The following NR3C2 variants were observed in gnomAD, a reference collection of about 807,000 sequenced individuals.
The protein encoded by NR3C2 is nuclear receptor subfamily 3 group C member 2, also known as mineralocorticoid receptor.
In NR3C2, 15 loss-of-function variants were observed where a neutral mutation model predicts 86.4. The ratio of observed to expected loss-of-function variants is 0.17; its 90% CI spans 0.12 to 0.27. The LOEUF (loss-of-function observed/expected upper bound fraction) is 0.27, where lower values mean the gene tolerates loss of function less well. Ranked by LOEUF, NR3C2 falls within the 10% of genes least tolerant of loss-of-function variation. The pLI is 1.00. For synonymous variants in NR3C2, 458 were observed against 450.5 expected, an observed-to-expected ratio of 1.02 and a Z score of -0.21; for missense variants, 960 against 1,195.6, an observed-to-expected ratio of 0.80 and a Z score of 2.91.
chr4:148,385,450 T>C (rs544328721), intron 2 of NR3C2, among the ~76,000 whole-genome samples: 1 of 152,360 alleles, frequency 6.6e-6, no homozygotes, highest in Non-Finnish European at 1.5e-5. Flanking sequence ...AATTATTCAT[T>C]GTGACTCCTC....
chr4:148,250,154 T>C (rs1166259970), intron 3 of NR3C2, among the ~76,000 whole-genome samples: 1 of 152,098 alleles, frequency 6.6e-6, no homozygotes, highest in Non-Finnish European at 1.5e-5. Context: ...ATTATCAGCT[T>C]CTCTTTTTCC....
chr4:148,162,915 A>T (rs1188840747), intron 4 of NR3C2, among the ~76,000 whole-genome samples: 1 of 152,220 alleles, frequency 6.6e-6, no homozygotes, highest in African/African-American at 2.4e-5. Flanking sequence ...TTTTACCCTC[A>T]GGACAAAACA....
chr4:148,323,422 T>G (rs528195393), intron 2 of NR3C2, among the ~76,000 whole-genome samples: 1 of 145,832 alleles, frequency 6.9e-6, no homozygotes, highest in African/African-American at 2.7e-5. Context: ...TCGAGCTTCC[T>G]GGCTGCTTTG....
chr4:148,402,001 G>T (rs181120307), intron 2 of NR3C2, among the ~76,000 whole-genome samples: 7 of 152,210 alleles, frequency 4.6e-5, no homozygotes, highest in Admixed American at 4.6e-4. Context: ...ATGGTATGGG[G>T]TAACTGTAAA....
chr4:148,210,306 T>A (rs899464424), intron 3 of NR3C2, among the ~76,000 whole-genome samples: 1 of 152,172 alleles, frequency 6.6e-6, no homozygotes, highest in African/African-American at 2.4e-5. Flanking sequence ...TTCTCCTGCC[T>A]CAGCCTCCCA....
At chr4:148,301,073 G>C (rs991064011) in intron 2 of NR3C2, among the ~76,000 whole-genome samples, 2 of 152,050 alleles carry the variant, frequency 1.3e-5, no homozygotes, top group African/African-American at 4.8e-5. Context: ...TTAGGCCCTA[G>C]AAACTACATG....
intron 3 of NR3C2, among the ~76,000 whole-genome samples, chr4:148,233,036 C>T (rs1363037599): frequency 1.3e-5 from 2 of 152,178 alleles, no homozygotes; most frequent in Non-Finnish European, 2.9e-5. Context: ...ATCCAGACCA[C>T]TAAAACTTTC....
In NR3C2 at chr4:148,233,045, T is replaced by C. The variant is rs568271620; in HGVS notation, c.1897+26933A>G. On this transcript the variant is annotated intron_variant, in intron 3 of 8. Coordinates refer to ENST00000358102, the MANE Select transcript of NR3C2 (RefSeq NM_000901.5). ...TCTTCTATCCAGACCACTAAAACTT[T>C]CTCCATATCAGCATTAAGACTGATA... Among the ~76,000 whole-genome samples the C allele has an allele frequency of 2.6e-5, 4 of 152,310 alleles. No homozygotes were observed. In the East Asian group the frequency reaches 7.7e-4, roughly 29 times the overall value.
intron 2 of NR3C2, among the ~76,000 whole-genome samples, chr4:148,294,783 C>T (rs1196073342): frequency 6.6e-6 from 1 of 151,644 alleles, no homozygotes; most frequent in African/African-American, 2.4e-5. Flanking sequence ...TCAAGACCAG[C>T]TTGGGCAACA....
chr4:148,256,131 A>G (rs951658353), intron 3 of NR3C2, among the ~76,000 whole-genome samples: 21 of 152,330 alleles, frequency 1.4e-4, no homozygotes, highest in African/African-American at 5.1e-4. Context: ...GAGGCTTGTT[A>G]CAGGAGTAAA....
chr4:148,405,006 T>C (rs1239609004), intron 2 of NR3C2, among the ~76,000 whole-genome samples: 1 of 152,222 alleles, frequency 6.6e-6, no homozygotes, highest in African/African-American at 2.4e-5. Context: ...TATACAAAGT[T>C]ACTGAACTAT....
chr4:148,380,981 C>T (rs1384125904), intron 2 of NR3C2, among the ~76,000 whole-genome samples: 5 of 152,040 alleles, frequency 3.3e-5, no homozygotes, highest in Admixed American at 2.6e-4. Context: ...AACATTAGAA[C>T]TTTGGGAAGC....
At chr4:148,323,202 G>C (rs1379053325) in intron 2 of NR3C2, among the ~76,000 whole-genome samples, 1 of 119,658 alleles carries the variant, frequency 8.4e-6, no homozygotes, top group Non-Finnish European at 1.8e-5. Context: ...GGGGTCAGGG[G>C]TCAGGGACCC....
intron 2 of NR3C2, among the ~76,000 whole-genome samples, chr4:148,349,729 A>G (rs1321440079): frequency 6.6e-6 from 1 of 152,172 alleles, no homozygotes; most frequent in Non-Finnish European, 1.5e-5. Flanking sequence ...TATGACAAAC[A>G]GTATCACAGT....
At position 148,425,194 on chromosome 4, in the gene NR3C2, C is replaced by T. The variant is rs1227122249; in HGVS notation, c.1757+9910G>A. Among the ~76,000 whole-genome samples the T allele has an allele frequency of 3.3e-5, 5 of 152,260 alleles. No individual in the cohort carries two copies. The East Asian group carries it at 9.6e-4, about 29-fold the overall frequency. On this transcript the variant is annotated intron_variant, in intron 2 of 8. Transcript: ENST00000358102. ...CACCCCCTCTGCTAGTCAATCCATC[C>T]ATTCATTCTCTCAATATTTACTGAA...
chr4:148,136,391 GGA>G (rs1733344637), intron 6 of NR3C2, among the ~76,000 whole-genome samples: 1 of 152,018 alleles, frequency 6.6e-6, no homozygotes, highest in Non-Finnish European at 1.5e-5. Flanking sequence ...GGGAACAAAA[GGA>G]GAGGGGGAGA....
In NR3C2 at chr4:148,149,700, C is replaced by T. The variant is rs545783240; in HGVS notation, c.2510+2769G>A. 4.6e-5 allele frequency among the ~76,000 whole-genome samples: 7 copies of T among 152,216 alleles called. No homozygotes were observed. In the South Asian group the frequency reaches 1.2e-3, roughly 27 times the overall value. ...CATAATATATAAAGAACTCCTACAA[C>T]TCAAGTACAAAAAGACATACAATCC... On this transcript the variant is annotated intron_variant, in intron 6 of 8. Coordinates refer to ENST00000358102, the MANE Select transcript of NR3C2 (RefSeq NM_000901.5).
At chr4:148,314,063 T>C (rs1743039251) in intron 2 of NR3C2, among the ~76,000 whole-genome samples, 1 of 152,158 alleles carries the variant, frequency 6.6e-6, no homozygotes, top group African/African-American at 2.4e-5. Context: ...CAATTCCACA[T>C]GTGACTAAGG....
At chr4:148,380,888 A>C (rs1746944512) in intron 2 of NR3C2, among the ~76,000 whole-genome samples, 2 of 152,220 alleles carry the variant, frequency 1.3e-5, no homozygotes, top group South Asian at 4.1e-4. Context: ...ATATTTAAAA[A>C]TTATACACAC....
Sources: gnomAD v4.1 joint callset for allele counts (sites outside exome capture counted in the v4.1 genomes callset) on GRCh38, gnomAD v4.1.1 for gene constraint, MANE v1.5 for transcripts, NCBI Gene and HGNC (gene_info 2026-07-23, HGNC 2026-07-21) for gene names.